PNPLA1: variants seen among roughly 807,000 people sequenced by gnomAD.
PNPLA1 encodes omega-hydroxyceramide transacylase.
PNPLA1 carries 36 observed loss-of-function variants against 51.7 expected under a neutral mutation model. That is an observed-to-expected ratio of 0.70 (90% CI 0.53 to 0.92). PNPLA1 has a LOEUF of 0.92. Among genes scored for constraint, PNPLA1 ranks in the 40% least tolerant of loss-of-function variants. The probability of loss-of-function intolerance (pLI) is 0.00; values close to 1 mark genes in which losing one functional copy is unlikely to be tolerated. For missense variants in PNPLA1, 658 were observed against 682.5 expected, an observed-to-expected ratio of 0.96 and a Z score of 0.40; for synonymous variants, 293 against 280.1, an observed-to-expected ratio of 1.05 and a Z score of -0.46.
At chr6:36,307,082 C>T (rs934715035) in intron 7 of PNPLA1, among the ~76,000 whole-genome samples, 3 of 152,072 alleles carry the variant, frequency 2.0e-5, no homozygotes, top group African/African-American at 7.2e-5. Flanking sequence ...ACAACCCCAG[C>T]CCCCCTCTCA....
intron 1 of PNPLA1, among the ~76,000 whole-genome samples, chr6:36,257,699 G>C (rs1290352951): frequency 1.3e-5 from 2 of 152,074 alleles, no homozygotes; most frequent in African/African-American, 4.8e-5. Flanking sequence ...GGTTATAATA[G>C]CTGCTTTAAA....
At chr6:36,284,218 ACTTCTGTTTCCAT>A (rs2127337393) in intron 1 of PNPLA1, among the ~76,000 whole-genome samples, 1 of 152,332 alleles carries the variant, frequency 6.6e-6, no homozygotes, top group African/African-American at 2.4e-5. Context: ...AGCAGAAGAC[ACTTCTGTTTCCAT>A]GACAATCGGA....
At chr6:36,287,898 C>T (rs754837160) in intron 1 of PNPLA1, among the ~76,000 whole-genome samples, 4 of 152,144 alleles carry the variant, frequency 2.6e-5, no homozygotes, top group Non-Finnish European at 5.9e-5. Context: ...CAACTTCCTG[C>T]CCTCTTCCTC....
At chr6:36,306,471 A>G in intron 7 of PNPLA1, 95 bp downstream of exon 7, 1 of 1,087,826 alleles carries the variant, frequency 9.2e-7, no homozygotes, top group Non-Finnish European at 1.3e-6. Context: ...TGCCCCAGGA[A>G]CTCTGGGATC....
At chr6:36,286,807 T>C (rs1225554723) in intron 1 of PNPLA1, among the ~76,000 whole-genome samples, 1 of 151,838 alleles carries the variant, frequency 6.6e-6, no homozygotes, top group Non-Finnish European at 1.5e-5. Context: ...ACCTCCTGAG[T>C]AGCTGGGACT....
rs148596826 is a variant in PNPLA1 at position 36,253,341 on chromosome 6, G to A, written c.-81+10080G>A. Among the ~76,000 whole-genome samples the A allele has an allele frequency of 2.7e-3, 409 of 152,298 alleles. 2 individuals are homozygous for A. The highest frequency in any genetic ancestry group is 9.3e-3 in the African/African-American group (387 of 41,544). On this transcript the variant is annotated intron_variant, in intron 1 of 7. Transcript: ENST00000312917. ...TTACTCTGCAATGTAGCTTTACAAT[G>A]CTTGAGTAGTTAAAATAATGCGGTG...
chr6:36,304,015 G>A (rs1035172652), intron 6 of PNPLA1, among the ~76,000 whole-genome samples: 1 of 152,120 alleles, frequency 6.6e-6, no homozygotes, highest in African/African-American at 2.4e-5. Flanking sequence ...TGGATGGGTT[G>A]GAGTAGAAAG....
At chr6:36,271,590 C>T (rs1015484681) in intron 1 of PNPLA1, among the ~76,000 whole-genome samples, 1 of 152,212 alleles carries the variant, frequency 6.6e-6, no homozygotes, top group African/African-American at 2.4e-5. Context: ...GAAATGGAGA[C>T]TATTTCAGGA....
At chr6:36,301,818 G>T in intron 5 of PNPLA1, 43 bp from the exon 6 acceptor site, 1 of 1,577,614 alleles carries the variant, frequency 6.3e-7, no homozygotes, top group African/African-American at 1.4e-5. Context: ...AGGCCATGCT[G>T]CTGCCAGGGC....
intron 1 of PNPLA1, among the ~76,000 whole-genome samples, chr6:36,289,100 G>A (rs1221888613): frequency 6.6e-6 from 1 of 152,162 alleles, no homozygotes; most frequent in African/African-American, 2.4e-5. Flanking sequence ...TCTAGGAGGA[G>A]GGATTCCAAG....
chr6:36,295,687 G>A (rs1000214704), intron 5 of PNPLA1, among the ~76,000 whole-genome samples: 1 of 152,206 alleles, frequency 6.6e-6, no homozygotes, highest in African/African-American at 2.4e-5. Flanking sequence ...GTGCATGTAT[G>A]CTTATGAATG....
Position 36,255,029 on chromosome 6 carries a change from CT to C in PNPLA1, c.-81+11770del, listed in dbSNP as rs573296302. ...TTCCCAACTATGCAACTGATCATAA[CT>C]TAACATAATCTGTCACTTTACTTTG... On this transcript the variant is annotated intron_variant, in intron 1 of 7. Coordinates refer to the PNPLA1 transcript ENST00000312917. 1.2e-4 allele frequency among the ~76,000 whole-genome samples: 19 copies of C among 152,306 alleles called. No homozygotes were observed. The South Asian group carries it at 3.9e-3, about 32-fold the overall frequency.
chr6:36,289,119 AT>A (rs1371651016), intron 1 of PNPLA1, among the ~76,000 whole-genome samples: 1 of 152,138 alleles, frequency 6.6e-6, no homozygotes, highest in Non-Finnish European at 1.5e-5. Context: ...AGACATTTTA[AT>A]TTTTTTCTTT....
chr6:36,258,992 A>G (rs1470458273), intron 1 of PNPLA1, among the ~76,000 whole-genome samples: 1 of 152,228 alleles, frequency 6.6e-6, no homozygotes, highest in Non-Finnish European at 1.5e-5. Flanking sequence ...CCCTTTGGTC[A>G]CAATGCTCAG....
At chr6:36,293,748 T>C (rs1214084908) in intron 3 of PNPLA1, among the ~76,000 whole-genome samples, 1 of 152,202 alleles carries the variant, frequency 6.6e-6, no homozygotes, top group East Asian at 1.9e-4. Context: ...CAGCCAGCCC[T>C]GAGAGTTAGA....
At chr6:36,276,156 AC>A (rs386700176) in intron 1 of PNPLA1, among the ~76,000 whole-genome samples, 2,971 of 152,100 alleles carry the variant, frequency 0.02, 91 homozygotes, top group African/African-American at 0.059. Flanking sequence ...ACAGGGTTTC[AC>A]CACGTTGGTC....
At chr6:36,278,504 C>T (rs1191141802) in intron 1 of PNPLA1, among the ~76,000 whole-genome samples, 1 of 152,184 alleles carries the variant, frequency 6.6e-6, no homozygotes, top group Non-Finnish European at 1.5e-5. Flanking sequence ...TAGTTGGAGG[C>T]AGACCTCACT....
upstream of PNPLA1, among the ~76,000 whole-genome samples, chr6:36,265,283 A>G (rs1395918058): frequency 6.6e-6 from 1 of 152,068 alleles, no homozygotes; most frequent in Non-Finnish European, 1.5e-5. Context: ...GGTGGTTGCA[A>G]TGAGCCGAGA....
Position 36,294,351 on chromosome 6 carries a change from G to A in PNPLA1, c.666G>A (p.Leu222=), listed in dbSNP as rs1770789233. The A allele has an allele frequency of 6.2e-7, 1 of 1,614,170 alleles. No homozygotes were observed. The highest frequency in any genetic ancestry group is 8.5e-7 in the Non-Finnish European group (1 of 1,180,032). The part of the protein sequence containing the change: ...RMFNCSFQFS[L]ENIARMTHAL... ...TCAACTGCTCCTTCCAGTTCTCCCT[G>A]GAGAACATCGCCAGGATGACCCACG... The change falls in exon 4 of 9, where the codon CTG becomes CTA. Residue 222 remains leucine (L), a synonymous_variant. Transcript: ENST00000636260. The surrounding 1 kb of genome is among the most constrained non-coding windows in gnomAD (Gnocchi z 4.2).
Sources: allele counts gnomAD v4.1 joint callset (sites outside exome capture counted in the v4.1 genomes callset), GRCh38; gene constraint gnomAD v4.1.1; non-coding constraint Gnocchi (gnomAD v3.1); transcripts MANE v1.5; gene names NCBI Gene and HGNC (gene_info 2026-07-23, HGNC 2026-07-21).